The following DACH1 variants were observed in gnomAD, a reference collection of about 807,000 sequenced individuals.
The protein encoded by DACH1 is dachshund family transcription factor 1.
DACH1 carries 12 observed loss-of-function variants against 54.2 expected under a neutral mutation model. The observed-to-expected ratio is 0.22, with a 90% CI of 0.14 to 0.36. DACH1 has a LOEUF of 0.36. Among genes scored for constraint, DACH1 ranks in the 10% least tolerant of loss-of-function variants. The probability of loss-of-function intolerance (pLI) is 1.00; values close to 1 mark genes in which losing one functional copy is unlikely to be tolerated. For synonymous variants in DACH1, 386 were observed against 366.2 expected, an observed-to-expected ratio of 1.05 and a Z score of -0.62; for missense variants, 805 against 929.8, an observed-to-expected ratio of 0.87 and a Z score of 1.75.
chr13:71,491,219 A>C (rs1203434342), intron 6 of DACH1, among the ~76,000 whole-genome samples: 1 of 152,178 alleles, frequency 6.6e-6, no homozygotes, highest in Non-Finnish European at 1.5e-5. Flanking sequence ...AAATGCTAAA[A>C]ACACAAACAG....
chr13:71,565,139 C>G (rs1566345588), intron 4 of DACH1, among the ~76,000 whole-genome samples: 2 of 152,042 alleles, frequency 1.3e-5, no homozygotes, highest in African/African-American at 4.8e-5. Flanking sequence ...TCAGGCTGGT[C>G]TAAGTGATCC....
intron 7 of DACH1, among the ~76,000 whole-genome samples, chr13:71,483,106 T>G (rs1039761034): frequency 3.3e-5 from 5 of 151,906 alleles, no homozygotes; most frequent in Non-Finnish European, 7.4e-5. Flanking sequence ...CCGGCCCAAC[T>G]GACACATTTT....
intron 1 of DACH1, among the ~76,000 whole-genome samples, chr13:71,745,520 G>C (rs1884567297): frequency 6.6e-6 from 1 of 152,206 alleles, no homozygotes; most frequent in Non-Finnish European, 1.5e-5. Context: ...CAGAAGGCTA[G>C]ATGAAACATA....
chr13:71,583,424 A>AT (rs1171746015), intron 3 of DACH1, among the ~76,000 whole-genome samples: 4 of 152,202 alleles, frequency 2.6e-5, no homozygotes, highest in Non-Finnish European at 4.4e-5. Flanking sequence ...AAGAAATAGG[A>AT]TTTTTTAAAA....
intron 1 of DACH1, among the ~76,000 whole-genome samples, chr13:71,777,202 T>C (rs1323381046): frequency 6.8e-6 from 1 of 147,886 alleles, no homozygotes; most frequent in Non-Finnish European, 1.5e-5. Context: ...CCGTACGGTA[T>C]AGCCTTAAAG....
chr13:71,835,446 GA>G (rs1174551508), intron 1 of DACH1, among the ~76,000 whole-genome samples: 1 of 152,032 alleles, frequency 6.6e-6, no homozygotes, highest in Non-Finnish European at 1.5e-5. Context: ...ACAAGGGTAA[GA>G]ATCCTGTTCT....
At chr13:71,540,821 C>CTATA (rs995907034) in intron 6 of DACH1, among the ~76,000 whole-genome samples, 1 of 151,936 alleles carries the variant, frequency 6.6e-6, no homozygotes, top group Non-Finnish European at 1.5e-5. Context: ...ACTTCAACTT[C>CTATA]TATAATATTG....
At chr13:71,811,145 T>C (rs577249857) in intron 1 of DACH1, among the ~76,000 whole-genome samples, 2 of 152,270 alleles carry the variant, frequency 1.3e-5, no homozygotes, top group East Asian at 3.9e-4. Flanking sequence ...TTCTTATTAA[T>C]TTATTAATTT....
At chr13:71,478,890 A>T (rs1391724694) in intron 8 of DACH1, among the ~76,000 whole-genome samples, 1 of 152,148 alleles carries the variant, frequency 6.6e-6, no homozygotes, top group Non-Finnish European at 1.5e-5. Context: ...GTTTATTCTT[A>T]TCTTAAAGAA....
chr13:71,803,588 T>G (rs1887372758), intron 1 of DACH1, among the ~76,000 whole-genome samples: 1 of 152,138 alleles, frequency 6.6e-6, no homozygotes, highest in African/African-American at 2.4e-5. Flanking sequence ...ACCCTTATAT[T>G]TTGAAGTCTC....
chr13:71,864,503 A>C (rs1183577585), intron 1 of DACH1, among the ~76,000 whole-genome samples: 3 of 151,526 alleles, frequency 2.0e-5, no homozygotes, highest in Non-Finnish European at 4.4e-5. Flanking sequence ...GCACACACTA[A>C]CTCCGCTCCT....
At chr13:71,852,635 A>G (rs947328918) in intron 1 of DACH1, among the ~76,000 whole-genome samples, 1 of 152,204 alleles carries the variant, frequency 6.6e-6, no homozygotes, top group Non-Finnish European at 1.5e-5. Flanking sequence ...CTCTCTTTGA[A>G]TGACCAAGAG....
chr13:71,596,669 C>T (rs1874117015), intron 3 of DACH1, among the ~76,000 whole-genome samples: 1 of 152,178 alleles, frequency 6.6e-6, no homozygotes, highest in African/African-American at 2.4e-5. Context: ...GCTACATCTT[C>T]ATTTGCTACT....
chr13:71,588,357 T>C (rs777889824), intron 3 of DACH1, among the ~76,000 whole-genome samples: 31 of 152,096 alleles, frequency 2.0e-4, no homozygotes, highest in Non-Finnish European at 4.1e-4. Flanking sequence ...TCTACTTTAG[T>C]TTGTACAATT....
intron 6 of DACH1, among the ~76,000 whole-genome samples, chr13:71,550,720 C>G (rs139984319): frequency 6.6e-6 from 1 of 152,018 alleles, no homozygotes; most frequent in Non-Finnish European, 1.5e-5. Context: ...AATCTGCTAT[C>G]TACTTAAGAA....
intron 4 of DACH1, among the ~76,000 whole-genome samples, chr13:71,564,539 A>G (rs1261468612): frequency 6.6e-6 from 1 of 151,998 alleles, no homozygotes; most frequent in Non-Finnish European, 1.5e-5. Flanking sequence ...GAAAAGCTGC[A>G]TTTTTGCCTC....
At chr13:71,540,522 T>C (rs995269285) in intron 6 of DACH1, among the ~76,000 whole-genome samples, 3 of 152,146 alleles carry the variant, frequency 2.0e-5, no homozygotes, top group Non-Finnish European at 4.4e-5. Context: ...CCTTTGGTCA[T>C]GTCATTCTTA....
In DACH1 at chr13:71,866,320, G is replaced by GCTGCTGCTGCTGCTA; in HGVS notation, c.435_449dup (p.Ser159_Ser163dup). 6.5e-7 allele frequency: 1 copy of GCTGCTGCTGCTGCTA among 1,544,682 alleles called. No individual in the cohort carries two copies. The highest frequency in any genetic ancestry group is 8.7e-7 in the Non-Finnish European group (1 of 1,145,344). On this transcript the variant is annotated inframe_insertion, in exon 1 of 11. Transcript: ENST00000613252. ...TGCTGCTGCTGCTACTACTGCTGCTGCTGCTGCTGCTGCTACTGCTGCTGC... is the reference window on the plus strand; with the variant it reads ...TGCTGCTGCTGCTACTACTGCTGCTGCTGCTGCTGCTGCTACTGCTGCTGCTGCTACTGCTGCTGC...
chr13:71,838,891 CTTACAGT>C (rs1240878704), intron 1 of DACH1, among the ~76,000 whole-genome samples: 2 of 152,200 alleles, frequency 1.3e-5, no homozygotes, highest in African/African-American at 4.8e-5. Flanking sequence ...AAAAGGTCAG[CTTACAGT>C]TTAAGGTGAA....
Sources: allele counts gnomAD v4.1 joint callset (sites outside exome capture counted in the v4.1 genomes callset), GRCh38; gene constraint gnomAD v4.1.1; transcripts MANE v1.5; gene names NCBI Gene and HGNC (gene_info 2026-07-23, HGNC 2026-07-21).